Variants in PPP1R15B observed in about 807,000 individuals in gnomAD.
PPP1R15B encodes the protein protein phosphatase 1 regulatory subunit 15B.
PPP1R15B carries 31 observed loss-of-function variants against 53.9 expected under a neutral mutation model. The observed-to-expected ratio is 0.58, with a 90% CI of 0.43 to 0.78. PPP1R15B has a LOEUF of 0.78. Ranked by LOEUF, PPP1R15B falls within the 30% of genes least tolerant of loss-of-function variation. PPP1R15B has a pLI of 0.00. For synonymous variants in PPP1R15B, 345 were observed against 329.1 expected, an observed-to-expected ratio of 1.05 and a Z score of -0.52; for missense variants, 928 against 849.6, an observed-to-expected ratio of 1.09 and a Z score of -1.15.
chr1:204,403,468 CAACT>C lies in PPP1R15B; in HGVS notation c.*2620_*2623del. On this transcript the variant is annotated 3_prime_UTR_variant, in exon 2 of 2. Coordinates refer to ENST00000367188, the MANE Select transcript of PPP1R15B (RefSeq NM_032833.5). Reference sequence around the variant, plus strand: ...AAATATAATTTTAACTATAAAATCCCAACTAGTTACATTTAAATTATTGATCTGT... The same window carrying C: ...AAATATAATTTTAACTATAAAATCCCAGTTACATTTAAATTATTGATCTGT... 1.2e-6 allele frequency: 1 copy of C among 859,568 alleles called. No homozygotes were observed. The highest frequency in any genetic ancestry group is 5.4e-5 in the South Asian group (1 of 18,622). The allele number at this position is 859,568 out of a possible 1,614,324, so 53.2% of individuals were successfully genotyped here.
At position 204,411,013 on chromosome 1, in the gene PPP1R15B, G is replaced by A. The variant is rs1218520654; in HGVS notation, c.399C>T (p.Asp133=). The A allele has an allele frequency of 6.2e-7, 1 of 1,614,196 alleles. No individual in the cohort carries two copies. Among genetic ancestry groups the A allele is most frequent in the Non-Finnish European group, 8.5e-7 (1 of 1,180,028 alleles). The change falls in exon 1 of 2, where the codon GAC becomes GAT. Residue 133 remains aspartate, a synonymous_variant. Transcript: ENST00000367188. ...SLSSLQLDSS[D]PSVTSPLDWL... ...AATCAAGGGGACTGGTGACCGAGGG[G>A]TCTGAGGAGTCGAGCTGCAGCGAAC...
chr1:204,411,478 G>A lies in PPP1R15B; in HGVS notation c.-67C>T, dbSNP rs1674378652. On this transcript the variant is annotated 5_prime_UTR_variant, in exon 1 of 2. Transcript: ENST00000367188. ...CAGCGGCTGGAGGTCGACGGGATTC[G>A]GAGGAAGCCTACAGAGTCTCGGCCT... 7 of 1,554,342 alleles carry A rather than the reference G, an allele frequency of 4.5e-6. No individual in the cohort carries two copies. The highest frequency in any genetic ancestry group is 1.4e-5 in the African/African-American group (1 of 73,604).
At position 204,404,857 on chromosome 1, in the gene PPP1R15B, C is replaced by T; in HGVS notation, c.*1235G>A. The T allele has an allele frequency of 1.0e-6, 1 of 985,744 alleles. No homozygotes were observed. The highest frequency in any genetic ancestry group is 1.2e-6 in the Non-Finnish European group (1 of 829,832). 61.1% of individuals were successfully genotyped at this position (985,744 alleles called of 1,614,324 possible). On this transcript the variant is annotated 3_prime_UTR_variant, in exon 2 of 2. Transcript: ENST00000367188. ...TAAAGCTAAACAAATAAACCAAACA[C>T]AAACAGTCAATGCAAAGACTTCAAT...
downstream of PPP1R15B, among the ~76,000 whole-genome samples, chr1:204,400,249 A>AAG: frequency 6.6e-6 from 1 of 151,412 alleles, no homozygotes; most frequent in Non-Finnish European, 1.5e-5. Flanking sequence ...AAAAAAAAAA[A>AAG]AAAGAAAAGA....
chr1:204,410,602 C>A lies in PPP1R15B; in HGVS notation c.810G>T (p.Leu270=). The A allele has an allele frequency of 6.2e-7, 1 of 1,613,980 alleles. No individual in the cohort carries two copies. Among genetic ancestry groups the A allele is most frequent in the East Asian group, 2.2e-5 (1 of 44,890 alleles). Residue 270 remains leucine, a synonymous_variant, in exon 1 of 2, where the codon CTG becomes CTT. Coordinates refer to ENST00000367188, the MANE Select transcript of PPP1R15B (RefSeq NM_032833.5). ...LREDHCHPQP[L]SAELIPASWQ... ...ACGAGGCCGGAATGAGTTCTGCACT[C>A]AGCGGCTGGGGATGACAATGGTCCT...
chr1:204,410,567 C>G lies in PPP1R15B; in HGVS notation c.845G>C (p.Cys282Ser), dbSNP rs746677531. The change falls in exon 1 of 2, where the codon TGT becomes TCT. Residue 282 changes from cysteine to serine, a missense_variant. By Grantham distance (112) the Cys-to-Ser change is moderately radical. Transcript: ENST00000367188. Reference protein sequence around the residue: ...AELIPASWQGCPPLSTEGLPE... With the variant: ...AELIPASWQGSPPLSTEGLPE... ...TAGGCCTTCCGTAGAAAGAGGTGGA[C>G]ATCCCTGCCACGAGGCCGGAATGAG... is the stretch of plus-strand genomic sequence containing the variant. 7.4e-6 allele frequency: 12 copies of G among 1,613,752 alleles called. No individual in the cohort carries two copies. The Admixed American group carries it at 1.0e-4, about 13-fold the overall frequency.
downstream of PPP1R15B, among the ~76,000 whole-genome samples, chr1:204,398,197 G>T (rs532235375): frequency 1.0e-3 from 152 of 152,274 alleles, 4 homozygotes; most frequent in South Asian, 0.029. Flanking sequence ...GTATACAAGG[G>T]CCAAGTGAGG....
intron 1 of PPP1R15B, among the ~76,000 whole-genome samples, chr1:204,407,698 T>TA (rs1472100436): frequency 6.6e-6 from 1 of 152,210 alleles, no homozygotes; most frequent in Non-Finnish European, 1.5e-5. Context: ...AGGCTTTTTT[T>TA]AAAGAGCTTT....
At chr1:204,397,834 G>C (rs1453542870), downstream of PPP1R15B, among the ~76,000 whole-genome samples, 4 of 151,030 alleles carry the variant, frequency 2.6e-5, no homozygotes, top group African/African-American at 9.7e-5. Context: ...TAGTCATGAC[G>C]ACCTTACATC....
downstream of PPP1R15B, among the ~76,000 whole-genome samples, chr1:204,400,237 A>AG (rs1216440600): frequency 2.1e-4 from 3 of 14,194 alleles, no homozygotes; most frequent in Non-Finnish European, 3.9e-4. Flanking sequence ...ACACTGTCTC[A>AG]AAAAAAAAAA....
Position 204,409,505 on chromosome 1 carries a change from A to C in PPP1R15B, c.1907T>G (p.Val636Gly). 1 of 1,604,364 alleles carries C rather than the reference A, an allele frequency of 6.2e-7. No homozygotes were observed. Among genetic ancestry groups the C allele is most frequent in the Non-Finnish European group, 8.5e-7 (1 of 1,176,512 alleles). ...CAAGAAACAAACCTTTTTTCTTTTG[A>C]CATGTGTGTGTCTTCCTCCAGAAAG... is the stretch of plus-strand genomic sequence containing the variant. ...DVLSGGRHTH[V>G]KRKKVTFLEE... The change falls in exon 1 of 2, where the codon GTC (valine) becomes GGC (glycine). Residue 636 changes from valine to glycine, a missense_variant. Val to Gly is a moderately radical substitution (Grantham distance 109). Transcript: ENST00000367188.
Position 204,411,262 on chromosome 1 carries a change from C to T in PPP1R15B, c.150G>A (p.Leu50=). The T allele has an allele frequency of 1.2e-6, 2 of 1,614,200 alleles. No homozygotes were observed. The highest frequency in any genetic ancestry group is 2.2e-5 in the East Asian group (1 of 44,888). ...GAGTCTCGGGCTGGGCAGAGGAAAG[C>T]AGTGTGGGGTTCCCGGAGTTTTCCG... The part of the protein sequence containing the change: ...LGPENSGNPT[L]LSSAQPETRV... The change falls in exon 1 of 2, where the codon CTG becomes CTA. Residue 50 remains leucine (L), a synonymous_variant. Transcript: ENST00000367188.
Position 204,411,040 on chromosome 1 carries a change from C to CA in PPP1R15B, c.371dup (p.Leu124PhefsTer18), listed in dbSNP as rs1558217487. The stretch of plus-strand genomic sequence containing the variant: ...CTGAGGAGTCGAGCTGCAGCGAACT[C>CA]AAAGATTTCTGCGCTGTGGGGGCGG... On this transcript the variant is annotated frameshift_variant, in exon 1 of 2. Coordinates refer to ENST00000367188, the MANE Select transcript of PPP1R15B (RefSeq NM_032833.5). LOFTEE classifies it high-confidence loss of function. 12 of 1,614,170 alleles carry CA rather than the reference C, an allele frequency of 7.4e-6. No homozygotes were observed. The highest frequency in any genetic ancestry group is 1.7e-4 in the Middle Eastern group (1 of 6,058).
rs1393699679 is a variant in PPP1R15B, at chr1:204,404,963, C to G, written c.*1129G>C. ...TCTATCCTTTCCTGAAAGTAAAGGC[C>G]TTGCCATTACTTCTCTCATTATTAA... On this transcript the variant is annotated 3_prime_UTR_variant, in exon 2 of 2. Coordinates refer to ENST00000367188, the MANE Select transcript of PPP1R15B (RefSeq NM_032833.5). 1 of 981,680 alleles carries G rather than the reference C, an allele frequency of 1.0e-6. No homozygotes were observed. Among genetic ancestry groups the G allele is most frequent in the East Asian group, 1.1e-4 (1 of 8,816 alleles). 60.8% of individuals were successfully genotyped at this position (981,680 alleles called of 1,614,324 possible). A position where few individuals can be genotyped will look rare whatever the true frequency, so the allele number is the denominator to read the frequency against.
rs34231967 is a variant in PPP1R15B at position 204,404,484 on chromosome 1, C to CA, written c.*1607dup. ...TGGGGGACCGAACGAGACTCTGTCT[C>CA]AAAAAAAAAAGAAAAAAACAAAAAA... On this transcript the variant is annotated 3_prime_UTR_variant, in exon 2 of 2. Transcript: ENST00000367188. The CA allele has an allele frequency of 6.9e-3, 5,412 of 787,498 alleles. 5 individuals carry two copies. Among genetic ancestry groups the CA allele is most frequent in the African/African-American group, 0.01 (527 of 50,234 alleles). The allele number at this position is 787,498 out of a possible 1,614,324, so 48.8% of individuals were successfully genotyped here. A position where few individuals can be genotyped will look rare whatever the true frequency, so the allele number is the denominator to read the frequency against.
intron 1 of PPP1R15B, among the ~76,000 whole-genome samples, chr1:204,406,910 C>T (rs1206007718): frequency 6.6e-6 from 1 of 152,006 alleles, no homozygotes; most frequent in Non-Finnish European, 1.5e-5. Context: ...CCCCCAATCC[C>T]CCACCAGCCC....
In PPP1R15B at chr1:204,410,310, A is replaced by C. The variant is rs753812472; in HGVS notation, c.1102T>G (p.Leu368Val). Residue 368 changes from leucine (L) to valine (V), a missense_variant, in exon 1 of 2, where the codon TTA becomes GTA. Leu to Val is a conservative substitution (Grantham distance 32). Transcript: ENST00000367188. The part of the protein sequence containing the change: ...QESTEEKIEL[L>V]TTEVPLALEE... ...AAAGCAAGTGGAACCTCTGTAGTTA[A>C]TAATTCTATTTTTTCTTCAGTGGAT... 3.9e-5 allele frequency: 63 copies of C among 1,614,008 alleles called. No individual in the cohort carries two copies. The highest frequency in any genetic ancestry group is 5.2e-5 in the Non-Finnish European group (61 of 1,180,024).
chr1:204,406,382 T>C, intron 1 of PPP1R15B, 69 bp from the exon 2 acceptor site: 2 of 1,542,448 alleles, frequency 1.3e-6, no homozygotes, highest in East Asian at 4.6e-5. Context: ...TCAATAACCC[T>C]TTATGCTACC....
At chr1:204,407,650 AGATAAATAATAAAAACGTACAG>A (rs1674288386) in intron 1 of PPP1R15B, among the ~76,000 whole-genome samples, 1 of 152,214 alleles carries the variant, frequency 6.6e-6, no homozygotes, top group African/African-American at 2.4e-5. Context: ...TGTGTCATTA[AGATAAATAATAAAAACGTACAG>A]TGTTTACCAT....
Sources: gnomAD v4.1 joint callset for allele counts (sites outside exome capture counted in the v4.1 genomes callset) on GRCh38, gnomAD v4.1.1 for gene constraint, MANE v1.5 for transcripts, NCBI Gene and HGNC (gene_info 2026-07-23, HGNC 2026-07-21) for gene names.